The following SORBS2 variants were observed in gnomAD, a reference collection of about 807,000 sequenced individuals.
SORBS2 encodes sorbin and SH3 domain containing 2, also known as sorbin and SH3 domain-containing protein 2.
A neutral mutation model predicts 97.7 loss-of-function variants in SORBS2; 46 were observed. That is an observed-to-expected ratio of 0.47 (90% CI 0.37 to 0.60). The LOEUF is 0.60. SORBS2 is among the 20% of genes least tolerant of loss of function. SORBS2 has a pLI of 0.00. For synonymous variants in SORBS2, 476 were observed against 473.4 expected, an observed-to-expected ratio of 1.01 and a Z score of -0.07; for missense variants, 1,316 against 1,282.3, an observed-to-expected ratio of 1.03 and a Z score of -0.40.
At chr4:185,602,784 A>G (rs185274856) in intron 12 of SORBS2, among the ~76,000 whole-genome samples, 1 of 152,362 alleles carries the variant, frequency 6.6e-6, no homozygotes, top group East Asian at 1.9e-4. Flanking sequence ...GAATTAAACT[A>G]TAATGGCCTA....
chr4:185,624,084 T>G, exon 7 of SORBS2: 2 of 1,614,118 alleles, frequency 1.2e-6, no homozygotes, highest in Non-Finnish European at 1.7e-6. Flanking sequence ...CCCGGGGCGT[T>G]GCGGGCTGAC....
intron 1 of SORBS2, among the ~76,000 whole-genome samples, chr4:185,936,768 C>T (rs560591552): frequency 1.3e-5 from 2 of 152,244 alleles, no homozygotes; most frequent in South Asian, 4.2e-4. Flanking sequence ...CAGAAGATTT[C>T]CCTTTCCGTC....
Position 185,607,143 on chromosome 4 carries a change from G to A in SORBS2, c.2796+4637C>T, listed in dbSNP as rs1000145708. On this transcript the variant is annotated intron_variant, in intron 12 of 14. Coordinates refer to ENST00000418609, the Ensembl canonical transcript of SORBS2. This position sits in a 1 kb window ranked among gnomAD's most constrained non-coding sequence, Gnocchi z 5.2. Reference sequence around the variant, plus strand: ...CCTCTAGGATGGTTGGTTTGGCTTGGTCAGCTGACAAGGTTAAAGCACCAA... The same window carrying A: ...CCTCTAGGATGGTTGGTTTGGCTTGATCAGCTGACAAGGTTAAAGCACCAA... 3.6e-6 allele frequency: 4 copies of A among 1,097,872 alleles called. No homozygotes were observed. Among genetic ancestry groups the A allele is most frequent in the Non-Finnish European group, 4.5e-6 (4 of 894,596 alleles). 68.0% of individuals were successfully genotyped at this position (1,097,872 alleles called of 1,614,324 possible).
At chr4:185,890,795 C>G (rs984086570) in intron 1 of SORBS2, among the ~76,000 whole-genome samples, 2 of 152,180 alleles carry the variant, frequency 1.3e-5, no homozygotes, top group African/African-American at 2.4e-5. Context: ...TGGGCCTGAA[C>G]GTAGGAGTGG....
intron 2 of SORBS2, among the ~76,000 whole-genome samples, chr4:185,699,780 G>C (rs1370769430): frequency 1.3e-5 from 2 of 152,066 alleles, no homozygotes; most frequent in Non-Finnish European, 2.9e-5. Flanking sequence ...AATAAAAGTA[G>C]ACAATAAAGA....
At chr4:185,924,660 C>T (rs886749096) in intron 1 of SORBS2, among the ~76,000 whole-genome samples, 3 of 152,186 alleles carry the variant, frequency 2.0e-5, no homozygotes, top group Admixed American at 6.5e-5. Flanking sequence ...AGTTATTTCA[C>T]GGGCTATGTG....
rs145547172 is a variant in SORBS2, at chr4:185,627,988, A to G, written c.447-969T>C. Among the ~76,000 whole-genome samples, 415 of 152,146 alleles carry G rather than the reference A, an allele frequency of 2.7e-3. 1 individual carries two copies. The highest frequency in any genetic ancestry group is 9.4e-3 in the African/African-American group (391 of 41,500). On this transcript the variant is annotated intron_variant, in intron 5 of 14. Coordinates refer to ENST00000418609, the Ensembl canonical transcript of SORBS2. The stretch of plus-strand genomic sequence containing the variant: ...GGTGATACACTTTTAAGGCTCCTCC[A>G]TGTGTTTTTTGTCACTTGATAGCTC...
At chr4:185,846,679 C>T (rs2099214722) in intron 1 of SORBS2, among the ~76,000 whole-genome samples, 2 of 152,162 alleles carry the variant, frequency 1.3e-5, no homozygotes, top group Admixed American at 6.5e-5. Context: ...TAATAGCGTA[C>T]ATTTATTCAA....
chr4:185,906,735 T>C (rs1160119627), intron 1 of SORBS2, among the ~76,000 whole-genome samples: 1 of 152,208 alleles, frequency 6.6e-6, no homozygotes, highest in African/African-American at 2.4e-5. Flanking sequence ...TGGTATTCTA[T>C]CTATACGAAA....
chr4:185,821,169 C>G, intron 1 of SORBS2, among the ~76,000 whole-genome samples: 1 of 152,310 alleles, frequency 6.6e-6, no homozygotes, highest in Middle Eastern at 3.4e-3. Context: ...CCGCGCCTCA[C>G]CAAGGGGCCA....
intron 1 of SORBS2, among the ~76,000 whole-genome samples, chr4:185,784,497 G>T (rs1346978510): frequency 6.6e-6 from 1 of 152,100 alleles, no homozygotes; most frequent in Non-Finnish European, 1.5e-5. Flanking sequence ...CATTCTGTGG[G>T]GGTGCATGCT....
intron 1 of SORBS2, among the ~76,000 whole-genome samples, chr4:185,873,425 G>T (rs1364509587): frequency 6.6e-6 from 1 of 152,094 alleles, no homozygotes; most frequent in Non-Finnish European, 1.5e-5. Flanking sequence ...AATCCAGCAG[G>T]ATAAGAAATG....
chr4:185,618,056 C>T (rs985175640), intron 9 of SORBS2, among the ~76,000 whole-genome samples: 11 of 152,284 alleles, frequency 7.2e-5, no homozygotes, highest in Middle Eastern at 3.4e-3. Flanking sequence ...CTTATGGCAG[C>T]GTCTACCTCC....
In SORBS2 at chr4:185,649,573, C is replaced by T. The variant is rs144039952; in HGVS notation, c.175G>A (p.Asp59Asn). Reference sequence around the variant, plus strand: ...TCCTTAAAGGCATTGGGGCTGTTGTCGGAGTGGCTTTTGGAAAGAGGTCTG... The same window carrying T: ...TCCTTAAAGGCATTGGGGCTGTTGTTGGAGTGGCTTTTGGAAAGAGGTCTG... Residue 59 changes from aspartate to asparagine, a missense_variant, in exon 3 of 15, where the codon GAC becomes AAC. By Grantham distance (23) the Asp-to-Asn change is conservative (BLOSUM62 1). Coordinates refer to ENST00000418609, the Ensembl canonical transcript of SORBS2. 73 of 1,603,906 alleles carry T rather than the reference C, an allele frequency of 4.6e-5. No homozygotes were observed. The African/African-American group carries it at 5.5e-4, about 12-fold the overall frequency.
intron 2 of SORBS2, among the ~76,000 whole-genome samples, chr4:185,729,401 C>T (rs1351114084): frequency 2.0e-5 from 3 of 152,162 alleles, no homozygotes; most frequent in Admixed American, 2.0e-4. Flanking sequence ...TCCGTATTTC[C>T]ATTTTCTGAA....
chr4:185,593,831 T>C, intron 13 of SORBS2, 55 bp downstream of exon 25: 1 of 1,138,296 alleles, frequency 8.8e-7, no homozygotes. Context: ...GGTACAGTTG[T>C]CCATTTTGTG....
intron 1 of SORBS2, among the ~76,000 whole-genome samples, chr4:185,909,753 A>T (rs946438101): frequency 6.6e-6 from 1 of 152,032 alleles, no homozygotes; most frequent in Non-Finnish European, 1.5e-5. Context: ...AGAAATGTTC[A>T]CTCATAGCAA....
At chr4:185,739,152 C>T (rs931382321) in intron 2 of SORBS2, among the ~76,000 whole-genome samples, 7 of 152,234 alleles carry the variant, frequency 4.6e-5, no homozygotes, top group Non-Finnish European at 1.0e-4. Context: ...CACATAGGAA[C>T]ACTGAAAAAT....
chr4:185,713,818 T>A (rs1173389274), intron 2 of SORBS2, among the ~76,000 whole-genome samples: 1 of 152,252 alleles, frequency 6.6e-6, no homozygotes, highest in Non-Finnish European at 1.5e-5. Flanking sequence ...TGCAGCCTGG[T>A]ACACATTAAT....
Sources: gnomAD v4.1 joint callset for allele counts (sites outside exome capture counted in the v4.1 genomes callset) on GRCh38, gnomAD v4.1.1 for gene constraint, Gnocchi (gnomAD v3.1) non-coding constraint, MANE v1.5 for transcripts, NCBI Gene and HGNC (gene_info 2026-07-23, HGNC 2026-07-21) for gene names.